Variants in SLAIN2 observed in about 807,000 individuals in gnomAD.
SLAIN2 encodes SLAIN motif-containing protein 2.
SLAIN2 carries 31 observed loss-of-function variants against 56.6 expected under a neutral mutation model. The observed-to-expected ratio is 0.55, with a 90% CI of 0.41 to 0.74. The LOEUF (loss-of-function observed/expected upper bound fraction) is 0.74, where lower values mean the gene tolerates loss of function less well. Ranked by LOEUF, SLAIN2 falls within the 30% of genes least tolerant of loss-of-function variation. SLAIN2 has a pLI of 0.00. For missense variants in SLAIN2, 777 were observed against 754.2 expected (o/e 1.03, Z -0.35); for synonymous variants, 317 against 284.9 (o/e 1.11, Z -1.13).
chr4:48,359,794 T>C (rs1715267512), intron 1 of SLAIN2, among the ~76,000 whole-genome samples: 2 of 152,240 alleles, frequency 1.3e-5, no homozygotes, highest in African/African-American at 4.8e-5. Flanking sequence ...TATTGTAAGC[T>C]TTATATAACT....
At chr4:48,376,714 C>T (rs1260633154) in intron 2 of SLAIN2, among the ~76,000 whole-genome samples, 28 of 148,436 alleles carry the variant, frequency 1.9e-4, no homozygotes, top group African/African-American at 5.9e-4. Context: ...CCCCGCCTCC[C>T]GGGTTCACGC....
chr4:48,396,464 A>G (rs1001343637), intron 6 of SLAIN2, among the ~76,000 whole-genome samples: 6 of 152,228 alleles, frequency 3.9e-5, no homozygotes, highest in African/African-American at 1.4e-4. Flanking sequence ...TATTAGCTTA[A>G]TAATTGATGA....
At chr4:48,410,108 A>G (rs1361452576) in intron 6 of SLAIN2, among the ~76,000 whole-genome samples, 1 of 152,100 alleles carries the variant, frequency 6.6e-6, no homozygotes, top group Non-Finnish European at 1.5e-5. Flanking sequence ...CTCCTCAGTA[A>G]CACTTGTTGT....
At chr4:48,358,310 T>A (rs1033828804) in intron 1 of SLAIN2, among the ~76,000 whole-genome samples, 13 of 150,948 alleles carry the variant, frequency 8.6e-5, no homozygotes, top group African/African-American at 2.9e-4. Context: ...TACTGTTACA[T>A]TGACTAACAA....
chr4:48,410,092 C>G lies in SLAIN2; in HGVS notation c.1361-10033C>G, dbSNP rs564291901. 4.6e-5 allele frequency among the ~76,000 whole-genome samples: 7 copies of G among 152,290 alleles called. No individual in the cohort carries two copies. In the South Asian group the frequency reaches 1.5e-3, roughly 32 times the overall value. ...CAGCACTGTATGAGGGTTCCAGTTT[C>G]TCCATCTCCTCAGTAACACTTGTTG... On this transcript the variant is annotated intron_variant, in intron 6 of 7. Transcript: ENST00000264313.
At chr4:48,375,841 G>T (rs1424932715) in intron 2 of SLAIN2, among the ~76,000 whole-genome samples, 1 of 152,102 alleles carries the variant, frequency 6.6e-6, no homozygotes, top group African/African-American at 2.4e-5. Flanking sequence ...TATAAATACT[G>T]AGTAAAGCAC....
intron 1 of SLAIN2, among the ~76,000 whole-genome samples, chr4:48,345,662 A>G (rs535311710): frequency 3.3e-5 from 5 of 152,142 alleles, no homozygotes; most frequent in Admixed American, 1.3e-4. Flanking sequence ...TAGCTTAAAT[A>G]TAAAGCTTTT....
chr4:48,356,972 A>G (rs1047534668), intron 1 of SLAIN2, among the ~76,000 whole-genome samples: 1 of 152,088 alleles, frequency 6.6e-6, no homozygotes, highest in Non-Finnish European at 1.5e-5. Context: ...TTATATACAC[A>G]TATATTCTAC....
intron 6 of SLAIN2, among the ~76,000 whole-genome samples, chr4:48,397,955 G>T (rs546026724): frequency 1.6e-4 from 24 of 152,104 alleles, no homozygotes; most frequent in African/African-American, 4.8e-4. Flanking sequence ...GAATAGTGCC[G>T]CAATGAACAT....
chr4:48,349,075 A>G (rs950261602), intron 1 of SLAIN2, among the ~76,000 whole-genome samples: 1 of 152,190 alleles, frequency 6.6e-6, no homozygotes, highest in African/African-American at 2.4e-5. Flanking sequence ...TTCTTCAGGC[A>G]CAATGCAGAT....
rs1180498450 is a variant in SLAIN2, at chr4:48,345,655, C to G, written c.389+3527C>G. 2.6e-5 allele frequency among the ~76,000 whole-genome samples: 4 copies of G among 151,750 alleles called. No homozygotes were observed. In the South Asian group the frequency reaches 8.3e-4, roughly 31 times the overall value. ...TTTGTGTAACGGATTTTTTTTTTAG[C>G]TTAAATATAAAGCTTTTATTTTATT... On this transcript the variant is annotated intron_variant, in intron 1 of 7. Transcript: ENST00000264313.
chr4:48,403,918 C>T (rs1716623086), intron 6 of SLAIN2, among the ~76,000 whole-genome samples: 1 of 152,142 alleles, frequency 6.6e-6, no homozygotes, highest in East Asian at 1.9e-4. Flanking sequence ...ATCTCTTGAT[C>T]TGTGGGTTGC....
At chr4:48,403,653 G>A (rs1716616116) in intron 6 of SLAIN2, among the ~76,000 whole-genome samples, 2 of 152,200 alleles carry the variant, frequency 1.3e-5, no homozygotes, top group African/African-American at 4.8e-5. Context: ...CCACTGGCTG[G>A]CTGGAATTCC....
At position 48,369,833 on chromosome 4, in the gene SLAIN2, T is replaced by C; in HGVS notation, c.390-16T>C. On this transcript the variant is annotated splice_polypyrimidine_tract_variant and intron_variant, in intron 1 of 7. Transcript: ENST00000264313. ...GCTTAATAAGGAATTTTCTGTTTTT[T>C]GTTGTCTTCTTCTAGGCTGTATTCA... 1 of 1,601,452 alleles carries C rather than the reference T, an allele frequency of 6.2e-7. No homozygotes were observed. The highest frequency in any genetic ancestry group is 2.2e-5 in the East Asian group (1 of 44,680).
At chr4:48,367,327 T>C (rs1393227861) in intron 1 of SLAIN2, among the ~76,000 whole-genome samples, 2 of 152,196 alleles carry the variant, frequency 1.3e-5, no homozygotes, top group Non-Finnish European at 2.9e-5. Context: ...TAGAGTGATA[T>C]AGAAAGTTGG....
rs780776468 is a variant in SLAIN2 at position 48,382,623 on chromosome 4, C to T, written c.918C>T (p.Cys306=). The change falls in exon 5 of 8, where the codon TGC becomes TGT. Residue 306 remains cysteine (C), a synonymous_variant. Transcript: ENST00000264313. ...TTSRRSSGSS[C]NSTRRGTFSD... The stretch of plus-strand genomic sequence containing the variant: ...CTCGGCGCAGTTCTGGTTCATCTTG[C>T]AATTCTACAAGACGGGGTACTTTTA... 12 of 1,611,834 alleles carry T rather than the reference C, an allele frequency of 7.4e-6. No homozygotes were observed. The highest frequency in any genetic ancestry group is 4.4e-5 in the South Asian group (4 of 90,986).
chr4:48,420,941 G>C (rs1020464354), intron 7 of SLAIN2, among the ~76,000 whole-genome samples: 3 of 152,102 alleles, frequency 2.0e-5, no homozygotes, highest in Non-Finnish European at 2.9e-5. Flanking sequence ...GTCTAACTTA[G>C]TAGATCTGTT....
chr4:48,358,412 C>A (rs1451342037), intron 1 of SLAIN2, among the ~76,000 whole-genome samples: 1 of 152,044 alleles, frequency 6.6e-6, no homozygotes, highest in African/African-American at 2.4e-5. Context: ...CTCCGCCTCC[C>A]AGGTTCAAGC....
chr4:48,366,195 T>C lies in SLAIN2; in HGVS notation c.390-3654T>C, dbSNP rs565458371. ...AACCATACATTAAATAATTTCAGTTTTTAAAAATTCAGTAAGACTTGTTTT... is the reference window on the plus strand; with the variant it reads ...AACCATACATTAAATAATTTCAGTTCTTAAAAATTCAGTAAGACTTGTTTT... On this transcript the variant is annotated intron_variant, in intron 1 of 7. Transcript: ENST00000264313. 3.1e-4 allele frequency among the ~76,000 whole-genome samples: 47 copies of C among 152,360 alleles called. No homozygotes were observed. In the South Asian group the frequency reaches 3.1e-3, roughly 10 times the overall value.
Sources: allele counts gnomAD v4.1 joint callset (sites outside exome capture counted in the v4.1 genomes callset), GRCh38; gene constraint gnomAD v4.1.1; transcripts MANE v1.5; gene names NCBI Gene and HGNC (gene_info 2026-07-23, HGNC 2026-07-21).